ZNF385D: variants seen among roughly 807,000 people sequenced by gnomAD.
ZNF385D encodes the protein zinc finger protein 385D.
Under a neutral mutation model 35.8 loss-of-function variants are expected in ZNF385D, and 15 were observed. The ratio of observed to expected loss-of-function variants is 0.42; its 90% CI spans 0.28 to 0.64. The LOEUF (loss-of-function observed/expected upper bound fraction) is 0.64. Among genes scored for constraint, ZNF385D ranks in the 30% least tolerant of loss-of-function variants. The pLI is 0.23. For synonymous variants in ZNF385D, 212 were observed against 186.8 expected, an observed-to-expected ratio of 1.13 and a Z score of -1.10; for missense variants, 474 against 494.6, an observed-to-expected ratio of 0.96 and a Z score of 0.39.
At chr3:22,030,187 C>T (rs1286008556) in intron 3 of ZNF385D, among the ~76,000 whole-genome samples, 1 of 145,532 alleles carries the variant, frequency 6.9e-6, no homozygotes, top group Admixed American at 7.1e-5. Context: ...GCTCTACTTG[C>T]TCCTCAGCTT....
At chr3:21,759,828 G>A (rs572495171) in intron 3 of ZNF385D, among the ~76,000 whole-genome samples, 2 of 152,294 alleles carry the variant, frequency 1.3e-5, no homozygotes, top group African/African-American at 4.8e-5. Context: ...TGCAGCTCCA[G>A]TAAATTTGGA....
rs1699363436 is a variant in ZNF385D, at chr3:22,053,193, G to C, written c.325+115624C>G. On this transcript the variant is annotated intron_variant, in intron 3 of 5. Transcript: ENST00000494108. ...CCCTCCGAGCCAGGTGTGGGATATAGTCTCACAATTAAAAGAACTAGAAAA... is the reference window on the plus strand; with the variant it reads ...CCCTCCGAGCCAGGTGTGGGATATACTCTCACAATTAAAAGAACTAGAAAA... 2.2e-5 allele frequency among the ~76,000 whole-genome samples: 2 copies of C among 89,978 alleles called. 1 individual carries two copies. Among genetic ancestry groups the C allele is most frequent in the Non-Finnish European group, 4.6e-5 (2 of 43,280 alleles). The allele number at this position is 89,978 out of a possible 152,430, so 59.0% of individuals were successfully genotyped here. A position where few individuals can be genotyped will look rare whatever the true frequency, so the allele number is the denominator to read the frequency against.
intron 3 of ZNF385D, among the ~76,000 whole-genome samples, chr3:22,106,376 G>A (rs1702213934): frequency 6.6e-6 from 1 of 151,018 alleles, no homozygotes. Flanking sequence ...TTTGGTCACT[G>A]TTCTCCTAGG....
chr3:21,834,897 C>T (rs1471953095), intron 3 of ZNF385D, among the ~76,000 whole-genome samples: 1 of 152,064 alleles, frequency 6.6e-6, no homozygotes, highest in Non-Finnish European at 1.5e-5. Context: ...CACCTTCCAC[C>T]ATGATAGTAA....
At chr3:21,515,940 T>C (rs1321025635) in intron 3 of ZNF385D, among the ~76,000 whole-genome samples, 1 of 152,220 alleles carries the variant, frequency 6.6e-6, no homozygotes, top group African/African-American at 2.4e-5. Context: ...ACATCACTAT[T>C]GTAGAACCTA....
chr3:21,841,174 C>T (rs1446400620), intron 3 of ZNF385D, among the ~76,000 whole-genome samples: 1 of 152,040 alleles, frequency 6.6e-6, no homozygotes, highest in Non-Finnish European at 1.5e-5. Context: ...TTTTACTAAA[C>T]TGCATATCGT....
intron 2 of ZNF385D, among the ~76,000 whole-genome samples, chr3:22,346,278 C>A (rs1695655962): frequency 6.6e-6 from 1 of 152,050 alleles, no homozygotes; most frequent in Non-Finnish European, 1.5e-5. Context: ...ATATTCATTT[C>A]TTTTTCCAAA....
At chr3:22,005,620 T>C (rs1252921790) in intron 3 of ZNF385D, among the ~76,000 whole-genome samples, 5 of 152,094 alleles carry the variant, frequency 3.3e-5, no homozygotes, top group Non-Finnish European at 5.9e-5. Context: ...ATAATTATTA[T>C]ATATCAATAA....
chr3:21,977,939 C>T lies in ZNF385D; in HGVS notation c.325+190878G>A, dbSNP rs182713686. On this transcript the variant is annotated intron_variant, in intron 3 of 5. Coordinates refer to the ZNF385D transcript ENST00000494108. ...CTGTTTAAGGGCAAGCACACTGCCC[C>T]ACCAATTCTCTCCTCTGCTTTTTGT... Among the ~76,000 whole-genome samples the T allele has an allele frequency of 4.2e-3, 643 of 152,242 alleles. 6 individuals carry two copies. The highest frequency in any genetic ancestry group is 0.015 in the African/African-American group (611 of 41,558).
upstream of ZNF385D, among the ~76,000 whole-genome samples, chr3:21,754,133 A>G (rs552162789): frequency 2.6e-4 from 40 of 152,356 alleles, no homozygotes; most frequent in Non-Finnish European, 5.0e-4. Flanking sequence ...ACTGCAATGA[A>G]CATGGTAGTA....
chr3:22,176,948 C>T (rs1405064606), intron 2 of ZNF385D, among the ~76,000 whole-genome samples: 2 of 152,114 alleles, frequency 1.3e-5, no homozygotes, highest in Non-Finnish European at 1.5e-5. Flanking sequence ...ATGTATTCCT[C>T]AAAGTTTCAA....
chr3:21,694,755 A>G (rs2067411860), intron 1 of ZNF385D, among the ~76,000 whole-genome samples: 1 of 152,178 alleles, frequency 6.6e-6, no homozygotes, highest in Non-Finnish European at 1.5e-5. Flanking sequence ...ATGTATTTTA[A>G]TTAAGCAACC....
chr3:21,724,941 C>T (rs1273257689), intron 1 of ZNF385D, among the ~76,000 whole-genome samples: 2 of 152,056 alleles, frequency 1.3e-5, no homozygotes, highest in Non-Finnish European at 2.9e-5. Flanking sequence ...AAGTAAAACA[C>T]CCTTAGCAAA....
intron 2 of ZNF385D, among the ~76,000 whole-genome samples, chr3:22,218,707 A>T (rs1341307721): frequency 6.6e-6 from 1 of 152,106 alleles, no homozygotes; most frequent in East Asian, 1.9e-4. Context: ...GACTTCAGTA[A>T]CTGGGTGAAT....
chr3:21,595,935 C>T (rs1271674817), intron 2 of ZNF385D, among the ~76,000 whole-genome samples: 1 of 152,102 alleles, frequency 6.6e-6, no homozygotes, highest in African/African-American at 2.4e-5. Flanking sequence ...ATGTGGTTTT[C>T]TAAAACAAAA....
At chr3:22,017,830 T>C (rs1200227035) in intron 3 of ZNF385D, among the ~76,000 whole-genome samples, 2 of 152,002 alleles carry the variant, frequency 1.3e-5, no homozygotes, top group African/African-American at 4.8e-5. Flanking sequence ...CTATACATAT[T>C]TGGATCTATT....
chr3:21,993,774 C>T (rs1200596039), intron 3 of ZNF385D, among the ~76,000 whole-genome samples: 1 of 152,092 alleles, frequency 6.6e-6, no homozygotes, highest in African/African-American at 2.4e-5. Context: ...AAATTGCTTC[C>T]AATGGGACAC....
intron 3 of ZNF385D, among the ~76,000 whole-genome samples, chr3:22,156,392 G>A (rs1278736404): frequency 6.6e-6 from 1 of 151,992 alleles, no homozygotes; most frequent in African/African-American, 2.4e-5. Context: ...CAGCCCCCCT[G>A]CCCCTGCACA....
intron 2 of ZNF385D, among the ~76,000 whole-genome samples, chr3:22,367,915 C>T (rs1696729686): frequency 6.6e-6 from 1 of 152,150 alleles, no homozygotes; most frequent in South Asian, 2.1e-4. Flanking sequence ...CATAATAACG[C>T]ATTTTATTCT....
Sources: gnomAD v4.1 joint callset for allele counts (sites outside exome capture counted in the v4.1 genomes callset) on GRCh38, gnomAD v4.1.1 for gene constraint, MANE v1.5 for transcripts, NCBI Gene and HGNC (gene_info 2026-07-23, HGNC 2026-07-21) for gene names.